CCBE1: variants seen among roughly 807,000 people sequenced by gnomAD.
CCBE1 encodes collagen and calcium binding EGF domains 1, also known as collagen and calcium-binding EGF domain-containing protein 1.
Under a neutral mutation model 50.0 loss-of-function variants are expected in CCBE1, and 37 were observed. The ratio of observed to expected loss-of-function variants is 0.74; its 90% CI spans 0.57 to 0.97. The LOEUF (loss-of-function observed/expected upper bound fraction) is 0.97. Ranked by LOEUF, CCBE1 falls within the 50% of genes least tolerant of loss-of-function variation. The probability of loss-of-function intolerance (pLI) is 0.00; values close to 1 mark genes in which losing one functional copy is unlikely to be tolerated. For missense variants in CCBE1, 538 were observed against 523.8 expected (o/e 1.03, Z -0.26); for synonymous variants, 234 against 203.7 (o/e 1.15, Z -1.27).
intron 2 of CCBE1, among the ~76,000 whole-genome samples, chr18:59,511,806 C>T (rs1207191471): frequency 1.3e-5 from 2 of 152,170 alleles, no homozygotes; most frequent in African/African-American, 4.8e-5. Context: ...CACTCTATAG[C>T]TGATGTAGCC....
intron 5 of CCBE1, among the ~76,000 whole-genome samples, chr18:59,455,949 C>T (rs757377375): frequency 6.6e-6 from 1 of 152,222 alleles, no homozygotes; most frequent in Non-Finnish European, 1.5e-5. Flanking sequence ...CTGGGGAAGT[C>T]GGGTAATGCG....
chr18:59,584,064 G>A (rs376556462), intron 2 of CCBE1, among the ~76,000 whole-genome samples: 222 of 151,928 alleles, frequency 1.5e-3, no homozygotes, highest in Admixed American at 3.5e-3. Flanking sequence ...TGTTTATTGC[G>A]GCATTATTCA....
chr18:59,634,066 T>C (rs1314495863), intron 2 of CCBE1, among the ~76,000 whole-genome samples: 2 of 152,150 alleles, frequency 1.3e-5, no homozygotes, highest in Non-Finnish European at 2.9e-5. Context: ...AGCCTAAACA[T>C]ACTAGGGACC....
rs1009438489 is a variant in CCBE1 at position 59,612,848 on chromosome 18, G to GT, written c.212+83780dup. 6.4e-4 allele frequency among the ~76,000 whole-genome samples: 42 copies of GT among 65,256 alleles called. 1 individual carries two copies. The highest frequency in any genetic ancestry group is 1.0e-3 in the East Asian group (1 of 986). The allele number at this position is 65,256 out of a possible 152,430, so 42.8% of individuals were successfully genotyped here. A position where few individuals can be genotyped will look rare whatever the true frequency, so the allele number is the denominator to read the frequency against. ...TTTGTTTTTTTTTGTTTTTGTTTTTGTTTTTTTTAATGTCTGTTAGATGGC... is the reference window on the plus strand; with the variant it reads ...TTTGTTTTTTTTTGTTTTTGTTTTTGTTTTTTTTTAATGTCTGTTAGATGGC... On this transcript the variant is annotated intron_variant, in intron 2 of 10. Coordinates refer to ENST00000439986, the MANE Select transcript of CCBE1 (RefSeq NM_133459.4).
intron 2 of CCBE1, among the ~76,000 whole-genome samples, chr18:59,627,318 G>C (rs931434910): frequency 2.0e-5 from 3 of 152,158 alleles, no homozygotes; most frequent in African/African-American, 7.2e-5. Flanking sequence ...TACAAAAGGA[G>C]AAAGAAATAT....
Position 59,635,646 on chromosome 18 carries a change from G to A in CCBE1, c.212+60983C>T, listed in dbSNP as rs80045539. 2.5e-3 allele frequency among the ~76,000 whole-genome samples: 379 copies of A among 152,108 alleles called. 1 individual carries two copies. The highest frequency in any genetic ancestry group is 3.6e-3 in the Non-Finnish European group (245 of 68,018). ...GAAGATATTTGTGAACAATAGACAT[G>A]AAGGTGATTGTTCACCTAAGAGTAA... On this transcript the variant is annotated intron_variant, in intron 2 of 10. Transcript: ENST00000439986.
intron 2 of CCBE1, among the ~76,000 whole-genome samples, chr18:59,590,137 A>G (rs1247426544): frequency 6.6e-6 from 1 of 152,226 alleles, no homozygotes; most frequent in Non-Finnish European, 1.5e-5. Flanking sequence ...ACTACTGAAC[A>G]TTATTACTTC....
intron 2 of CCBE1, among the ~76,000 whole-genome samples, chr18:59,644,196 G>A (rs989876031): frequency 1.4e-4 from 22 of 152,160 alleles, no homozygotes; most frequent in Admixed American, 3.9e-4. Context: ...TCTCAACAGC[G>A]CTCCTGCCAC....
chr18:59,469,210 G>C (rs1246891885), intron 4 of CCBE1, among the ~76,000 whole-genome samples: 1 of 152,148 alleles, frequency 6.6e-6, no homozygotes, highest in African/African-American at 2.4e-5. Context: ...CATTATTCTA[G>C]TTTATATTTG....
intron 2 of CCBE1, among the ~76,000 whole-genome samples, chr18:59,574,865 G>C (rs952325223): frequency 6.6e-6 from 1 of 152,124 alleles, no homozygotes; most frequent in Non-Finnish European, 1.5e-5. Context: ...CATATATGTG[G>C]AAGTCCTAAC....
intron 2 of CCBE1, among the ~76,000 whole-genome samples, chr18:59,510,070 T>C (rs1914065777): frequency 6.6e-6 from 1 of 152,196 alleles, no homozygotes; most frequent in South Asian, 2.1e-4. Flanking sequence ...GCTATCATCA[T>C]GGCAGATCCA....
intron 2 of CCBE1, among the ~76,000 whole-genome samples, chr18:59,641,107 C>G (rs10445542): frequency 0.45 from 68,601 of 151,940 alleles, 17,130 homozygotes; most frequent in Non-Finnish European, 0.56. Flanking sequence ...CCCTCAATCC[C>G]ATTACTATTA....
Position 59,472,087 on chromosome 18 carries a change from TCAGCA to T in CCBE1, c.266-2485_266-2481del, listed in dbSNP as rs1912061205. On this transcript the variant is annotated intron_variant, in intron 3 of 10. Coordinates refer to ENST00000439986, the MANE Select transcript of CCBE1 (RefSeq NM_133459.4). ...CTCACTATATCCCATTTCAGAGACA[TCAGCA>T]CCAGCCAGCCATCTGGTAGCCCCTC... is the stretch of plus-strand genomic sequence containing the variant. Among the ~76,000 whole-genome samples, 4 of 152,228 alleles carry T rather than the reference TCAGCA, an allele frequency of 2.6e-5. 1 individual carries two copies. In the South Asian group the frequency reaches 6.2e-4, roughly 24 times the overall value.
intron 2 of CCBE1, among the ~76,000 whole-genome samples, chr18:59,549,760 T>C (rs1241204390): frequency 6.6e-6 from 1 of 152,224 alleles, no homozygotes; most frequent in African/African-American, 2.4e-5. Context: ...AAAGCACTTA[T>C]AATCTACAGC....
intron 2 of CCBE1, among the ~76,000 whole-genome samples, chr18:59,557,802 C>T (rs2851872): frequency 0.74 from 112,313 of 152,136 alleles, 41,714 homozygotes; most frequent in East Asian, 0.88. Flanking sequence ...TCTATGCTTT[C>T]GCTGCTTCGT....
chr18:59,478,919 C>T (rs368697872), intron 3 of CCBE1, among the ~76,000 whole-genome samples: 1 of 152,214 alleles, frequency 6.6e-6, no homozygotes, highest in Non-Finnish European at 1.5e-5. Context: ...AACACCACAT[C>T]AACCATCACA....
At chr18:59,634,432 A>C (rs1446853020) in intron 2 of CCBE1, among the ~76,000 whole-genome samples, 1 of 152,220 alleles carries the variant, frequency 6.6e-6, no homozygotes. Flanking sequence ...CTCAGAAGGC[A>C]CTTCCAGGTA....
intron 2 of CCBE1, among the ~76,000 whole-genome samples, chr18:59,577,443 C>T (rs1351028658): frequency 6.6e-6 from 1 of 152,208 alleles, no homozygotes; most frequent in Non-Finnish European, 1.5e-5. Context: ...TGATTGATGG[C>T]ACTTCTGCTA....
intron 2 of CCBE1, among the ~76,000 whole-genome samples, chr18:59,544,171 G>T (rs186796035): frequency 6.6e-6 from 1 of 152,118 alleles, no homozygotes; most frequent in South Asian, 2.1e-4. Flanking sequence ...AAGCACTACA[G>T]GAATATTTTA....
Sources: gnomAD v4.1 joint callset for allele counts (sites outside exome capture counted in the v4.1 genomes callset) on GRCh38, gnomAD v4.1.1 for gene constraint, MANE v1.5 for transcripts, NCBI Gene and HGNC (gene_info 2026-07-23, HGNC 2026-07-21) for gene names.